GPC6: variants seen among roughly 807,000 people sequenced by gnomAD.
GPC6 encodes glypican 6.
GPC6 carries 14 observed loss-of-function variants against 55.2 expected under a neutral mutation model. That is an observed-to-expected ratio of 0.25 (90% CI 0.17 to 0.40). The LOEUF (loss-of-function observed/expected upper bound fraction) is 0.40. Ranked by LOEUF, GPC6 falls within the 10% of genes least tolerant of loss-of-function variation. The pLI, the probability that GPC6 is intolerant of heterozygous loss-of-function variation, is 1.00. For missense variants in GPC6, 641 were observed against 708.5 expected (o/e 0.90, Z 1.08); for synonymous variants, 278 against 259.6 (o/e 1.07, Z -0.68).
chr13:93,381,804 A>T (rs9561335), intron 1 of GPC6, among the ~76,000 whole-genome samples: 29,398 of 151,950 alleles, frequency 0.19, 3,408 homozygotes, highest in East Asian at 0.53. Context: ...ACCACATCAC[A>T]CTGCTTCATT....
At chr13:93,747,719 A>T (rs1884445857) in intron 2 of GPC6, among the ~76,000 whole-genome samples, 1 of 152,190 alleles carries the variant, frequency 6.6e-6, no homozygotes, top group Non-Finnish European at 1.5e-5. Context: ...TAATGTAAGC[A>T]TTCTGAGCAT....
In GPC6 at chr13:93,828,179, C is replaced by T. The variant is rs1043414220; in HGVS notation, c.320-1975C>T. On this transcript the variant is annotated intron_variant, in intron 2 of 8. Transcript: ENST00000377047. ...AGATAAATGAATAGGCTGCAGAGCT[C>T]ATGATTAGAATCCACTTTCCAGTCT... Among the ~76,000 whole-genome samples the T allele has an allele frequency of 7.2e-5, 11 of 152,052 alleles. 1 individual carries two copies. The highest frequency in any genetic ancestry group is 1.4e-4 in the African/African-American group (6 of 41,416).
intron 1 of GPC6, among the ~76,000 whole-genome samples, chr13:93,374,492 A>T (rs1406402638): frequency 6.6e-6 from 1 of 152,172 alleles, no homozygotes; most frequent in Non-Finnish European, 1.5e-5. Context: ...CAAGATACCA[A>T]TTAATAAGTA....
rs142348609 is a variant in GPC6 at position 93,723,419 on chromosome 13, C to A, written c.320-106735C>A. Among the ~76,000 whole-genome samples the A allele has an allele frequency of 1.6e-3, 242 of 152,054 alleles. 3 individuals carry two copies. Among genetic ancestry groups the A allele is most frequent in the African/African-American group, 5.6e-3 (233 of 41,552 alleles). ...AAGGATGGTCTTACCTAGCAACTCA[C>A]TTCTAATGAAGGATGTACAGCAAAA... On this transcript the variant is annotated intron_variant, in intron 2 of 8. Coordinates refer to ENST00000377047, the MANE Select transcript of GPC6 (RefSeq NM_005708.5).
At chr13:93,581,449 C>A (rs1010036982) in intron 2 of GPC6, among the ~76,000 whole-genome samples, 1 of 152,020 alleles carries the variant, frequency 6.6e-6, no homozygotes, top group Non-Finnish European at 1.5e-5. Context: ...TGGCTCATGC[C>A]CTAATCCCAA....
chr13:94,225,291 G>A (rs61964490), intron 4 of GPC6, among the ~76,000 whole-genome samples: 9 of 152,082 alleles, frequency 5.9e-5, no homozygotes, highest in African/African-American at 2.2e-4. Flanking sequence ...TTTGTGAACT[G>A]CTGATTTCTT....
At chr13:93,538,763 G>A (rs185022363) in intron 1 of GPC6, among the ~76,000 whole-genome samples, 243 of 152,058 alleles carry the variant, frequency 1.6e-3, no homozygotes, top group African/African-American at 5.3e-3. Flanking sequence ...CCCTGTATTG[G>A]GTACTCTACT....
At chr13:94,053,307 A>G (rs924010681) in intron 4 of GPC6, among the ~76,000 whole-genome samples, 3 of 152,162 alleles carry the variant, frequency 2.0e-5, no homozygotes, top group Non-Finnish European at 2.9e-5. Flanking sequence ...TCTGTAGGCA[A>G]TTTGGATAAA....
intron 2 of GPC6, among the ~76,000 whole-genome samples, chr13:93,733,083 G>A (rs1402984616): frequency 1.3e-5 from 2 of 151,876 alleles, no homozygotes; most frequent in Non-Finnish European, 2.9e-5. Context: ...AATTATATAG[G>A]TTATATTACT....
intron 1 of GPC6, among the ~76,000 whole-genome samples, chr13:93,336,012 A>T (rs566684826): frequency 6.6e-6 from 1 of 152,338 alleles, no homozygotes; most frequent in Admixed American, 6.5e-5. Context: ...AAAAGATTTA[A>T]ATCTTCCTCT....
intron 2 of GPC6, among the ~76,000 whole-genome samples, chr13:93,778,941 A>G (rs1177093855): frequency 6.6e-6 from 1 of 152,208 alleles, no homozygotes; most frequent in African/African-American, 2.4e-5. Flanking sequence ...AGTAGAACAA[A>G]TCATTTTTCT....
Position 93,776,936 on chromosome 13 carries a change from A to G in GPC6, c.320-53218A>G, listed in dbSNP as rs536381353. ...ACAAACTATACGGAACAGTTGTGCT[A>G]ATGTTATGATTAAGCACCCTTGCCC... On this transcript the variant is annotated intron_variant, in intron 2 of 8. Transcript: ENST00000377047. Among the ~76,000 whole-genome samples, 14 of 152,310 alleles carry G rather than the reference A, an allele frequency of 9.2e-5. No homozygotes were observed. The East Asian group carries it at 2.3e-3, about 25-fold the overall frequency.
chr13:94,333,771 AATTACC>A (rs1228658601), intron 6 of GPC6, among the ~76,000 whole-genome samples: 1 of 152,182 alleles, frequency 6.6e-6, no homozygotes, highest in East Asian at 1.9e-4. Context: ...CTCTGACTCC[AATTACC>A]ATTCCCTTTC....
chr13:94,378,683 G>A (rs1216088827), intron 6 of GPC6, among the ~76,000 whole-genome samples: 1 of 152,114 alleles, frequency 6.6e-6, no homozygotes, highest in Non-Finnish European at 1.5e-5. Flanking sequence ...TATATGTTTG[G>A]ATCAGTTTCC....
At chr13:94,236,006 T>C (rs1264189717) in intron 4 of GPC6, among the ~76,000 whole-genome samples, 2 of 152,182 alleles carry the variant, frequency 1.3e-5, no homozygotes, top group Admixed American at 1.3e-4. Flanking sequence ...TGCCAAAGTG[T>C]TTACGTTAGC....
chr13:94,198,535 C>A (rs541461792), intron 4 of GPC6, among the ~76,000 whole-genome samples: 1 of 152,224 alleles, frequency 6.6e-6, no homozygotes, highest in South Asian at 2.1e-4. Flanking sequence ...TATGAACCAG[C>A]CTCCCACATG....
intron 4 of GPC6, among the ~76,000 whole-genome samples, chr13:94,168,944 A>G (rs1447327501): frequency 6.6e-6 from 1 of 152,128 alleles, no homozygotes; most frequent in Non-Finnish European, 1.5e-5. Flanking sequence ...TTAATGCCGG[A>G]AGGCATTACC....
chr13:93,468,369 T>G (rs901625771), intron 1 of GPC6, among the ~76,000 whole-genome samples: 1 of 152,048 alleles, frequency 6.6e-6, no homozygotes, highest in African/African-American at 2.4e-5. Flanking sequence ...CATGAGAATA[T>G]TGAATGTCAT....
At chr13:93,972,150 C>A (rs987458875) in intron 3 of GPC6, among the ~76,000 whole-genome samples, 4 of 152,118 alleles carry the variant, frequency 2.6e-5, no homozygotes, top group Non-Finnish European at 1.5e-5. Flanking sequence ...TGAAGCCTGG[C>A]AGCAAAATGG....
Sources: gnomAD v4.1 joint callset for allele counts (sites outside exome capture counted in the v4.1 genomes callset) on GRCh38, gnomAD v4.1.1 for gene constraint, MANE v1.5 for transcripts, NCBI Gene and HGNC (gene_info 2026-07-23, HGNC 2026-07-21) for gene names.